Variants in PIAS2 observed in about 807,000 individuals in gnomAD.
PIAS2 encodes protein inhibitor of activated STAT 2.
In PIAS2, 19 loss-of-function variants were observed where a neutral mutation model predicts 69.7. The ratio of observed to expected loss-of-function variants is 0.27; its 90% CI spans 0.19 to 0.40. The LOEUF is 0.40. Among genes scored for constraint, PIAS2 ranks in the 10% least tolerant of loss-of-function variants. The pLI, the probability that PIAS2 is intolerant of heterozygous loss-of-function variation, is 1.00. For missense variants in PIAS2, 624 were observed against 757.0 expected (o/e 0.82, Z 2.06); for synonymous variants, 261 against 263.2 (o/e 0.99, Z 0.08).
chr18:46,842,569 G>A (rs1192538077), intron 8 of PIAS2, among the ~76,000 whole-genome samples: 2 of 152,030 alleles, frequency 1.3e-5, no homozygotes, highest in Non-Finnish European at 2.9e-5. Context: ...AATATACTAG[G>A]GATACATAAT....
chr18:46,911,313 T>G (rs1348938738), intron 1 of PIAS2, among the ~76,000 whole-genome samples: 1 of 151,758 alleles, frequency 6.6e-6, no homozygotes, highest in African/African-American at 2.4e-5. Flanking sequence ...CCTCCCGGGT[T>G]CAAGCAATTC....
chr18:46,850,213 A>G (rs186605401), intron 5 of PIAS2, among the ~76,000 whole-genome samples: 33 of 152,310 alleles, frequency 2.2e-4, no homozygotes, highest in African/African-American at 7.7e-4. Flanking sequence ...ACTCTAGATT[A>G]TTTTAAAGCA....
In PIAS2 at chr18:46,855,997, G is replaced by GTTT. The variant is rs1171297653; in HGVS notation, c.585-385_585-383dup. 5.9e-3 allele frequency among the ~76,000 whole-genome samples: 402 copies of GTTT among 67,962 alleles called. 70 individuals are homozygous for GTTT. The highest frequency in any genetic ancestry group is 0.03 in the Middle Eastern group (2 of 66). 44.6% of individuals were successfully genotyped at this position (67,962 alleles called of 152,430 possible). The stretch of plus-strand genomic sequence containing the variant: ...TTGAAGACTTTTTTCTTTTTCTTTT[G>GTTT]TTTTTTTTTTTTTTTTTTTTTTTTT... On this transcript the variant is annotated intron_variant, in intron 3 of 13. Coordinates refer to ENST00000585916, the MANE Select transcript of PIAS2 (RefSeq NM_004671.5).
At chr18:46,874,486 T>G (rs948339016) in intron 2 of PIAS2, among the ~76,000 whole-genome samples, 2 of 152,178 alleles carry the variant, frequency 1.3e-5, no homozygotes, top group African/African-American at 2.4e-5. Flanking sequence ...CCATACCCCC[T>G]GGCACTCACC....
Position 46,844,859 on chromosome 18 carries a change from AC to A in PIAS2, c.862-21del. On this transcript the variant is annotated intron_variant, in intron 6 of 13. Coordinates refer to ENST00000585916, the MANE Select transcript of PIAS2 (RefSeq NM_004671.5). ...GTAATTCTACAAACAAACAAAAAAA[AC>A]CTGCATTAAAGATGAGAGATAATAT... 1 of 1,036,866 alleles carries A rather than the reference AC, an allele frequency of 9.6e-7. No homozygotes were observed. The allele number at this position is 1,036,866 out of a possible 1,614,324, so 64.2% of individuals were successfully genotyped here.
At chr18:46,839,365 A>C (rs75414342) in intron 8 of PIAS2, among the ~76,000 whole-genome samples, 8,617 of 152,250 alleles carry the variant, frequency 0.057, 526 homozygotes, top group African/African-American at 0.15. Flanking sequence ...TTAAATCTGG[A>C]AAAATCTATC....
chr18:46,894,926 A>T (rs564790626), intron 1 of PIAS2, among the ~76,000 whole-genome samples: 2 of 152,068 alleles, frequency 1.3e-5, no homozygotes, highest in Admixed American at 1.3e-4. Context: ...CAAAAAAATT[A>T]GCCAGGCATG....
intron 3 of PIAS2, among the ~76,000 whole-genome samples, chr18:46,859,718 G>C (rs1457384881): frequency 6.6e-6 from 1 of 152,232 alleles, no homozygotes; most frequent in Non-Finnish European, 1.5e-5. Context: ...AGGTTTGATG[G>C]AAGGCAAGCT....
At chr18:46,813,833 A>G (rs2041229327) in intron 13 of PIAS2, among the ~76,000 whole-genome samples, 1 of 152,220 alleles carries the variant, frequency 6.6e-6, no homozygotes, top group Non-Finnish European at 1.5e-5. Flanking sequence ...TGCCACATAC[A>G]GAGTCAAGGG....
intron 1 of PIAS2, among the ~76,000 whole-genome samples, chr18:46,903,075 A>G (rs1599019879): frequency 6.6e-6 from 1 of 152,240 alleles, no homozygotes; most frequent in East Asian, 1.9e-4. Flanking sequence ...AATGGATCAC[A>G]GAGTCAAATG....
intron 12 of PIAS2, chr18:46,817,116 G>C: frequency 1.1e-6 from 1 of 946,654 alleles, no homozygotes; most frequent in Non-Finnish European, 1.3e-6. Context: ...TATCTTTTCA[G>C]TTTTTCAGTT....
intron 10 of PIAS2, 22 bp from the exon 11 acceptor site, chr18:46,828,152 G>GA (rs769164314): frequency 2.8e-4 from 430 of 1,554,046 alleles, no homozygotes; most frequent in Non-Finnish European, 3.1e-4. Flanking sequence ...GAAACAAAAG[G>GA]AAAAAAAAAT....
chr18:46,814,618 C>T (rs1011855962), intron 13 of PIAS2, among the ~76,000 whole-genome samples: 1 of 152,162 alleles, frequency 6.6e-6, no homozygotes, highest in Admixed American at 6.5e-5. Flanking sequence ...GCCCATGAAG[C>T]AGTGACCCGT....
intron 12 of PIAS2, chr18:46,816,739 A>ATT: frequency 1.1e-6 from 1 of 945,486 alleles, no homozygotes; most frequent in Middle Eastern, 5.4e-4. Context: ...AAGTGCTGGG[A>ATT]TTACAGACAT....
In PIAS2 at chr18:46,808,326, T is replaced by C. The variant is rs1236301496; in HGVS notation, c.*4107A>G. 6.6e-6 allele frequency: 1 copy of C among 152,214 alleles called. No individual in the cohort carries two copies. The highest frequency in any genetic ancestry group is 1.5e-5 in the Non-Finnish European group (1 of 68,036). 9.4% of individuals were successfully genotyped at this position (152,214 alleles called of 1,614,324 possible). ...ATACTTTTCTGTATTGTCTAAATTTTCCACAATAAGCATGTACTACTGACA... is the reference window on the plus strand; with the variant it reads ...ATACTTTTCTGTATTGTCTAAATTTCCCACAATAAGCATGTACTACTGACA... On this transcript the variant is annotated 3_prime_UTR_variant, in exon 14 of 14. Transcript: ENST00000585916.
At chr18:46,842,064 A>G (rs1465814344) in intron 8 of PIAS2, among the ~76,000 whole-genome samples, 1 of 152,006 alleles carries the variant, frequency 6.6e-6, no homozygotes, top group Admixed American at 6.6e-5. Context: ...GATCTCTACA[A>G]AAGACACCAA....
At chr18:46,864,022 T>G (rs2049050834) in intron 3 of PIAS2, 142 bp downstream of exon 3, 1 of 516,462 alleles carries the variant, frequency 1.9e-6, no homozygotes. Context: ...GCCAAAACCT[T>G]GATCTTGGAC....
upstream of PIAS2, chr18:46,920,008 CAT>C: frequency 8.1e-7 from 1 of 1,240,944 alleles, no homozygotes; most frequent in Non-Finnish European, 1.1e-6. Context: ...AGAGGACCAA[CAT>C]AAACACAAAA....
rs539690542 is a variant in PIAS2, at chr18:46,833,672, C to T, written c.1202+2685G>A. On this transcript the variant is annotated intron_variant, in intron 9 of 13. Transcript: ENST00000585916. Reference sequence around the variant, plus strand: ...TGGCAGAATGTATTATGACACTAGTCAAAAAAATTCTGAAAAGAAATGGCC... The same window carrying T: ...TGGCAGAATGTATTATGACACTAGTTAAAAAAATTCTGAAAAGAAATGGCC... 6.6e-5 allele frequency among the ~76,000 whole-genome samples: 10 copies of T among 151,978 alleles called. No homozygotes were observed. The South Asian group carries it at 2.1e-3, about 32-fold the overall frequency.
Sources: allele counts gnomAD v4.1 joint callset (sites outside exome capture counted in the v4.1 genomes callset), GRCh38; gene constraint gnomAD v4.1.1; transcripts MANE v1.5; gene names NCBI Gene and HGNC (gene_info 2026-07-23, HGNC 2026-07-21).